Variants in PLN observed in about 807,000 individuals in gnomAD.
The protein encoded by PLN is cardiac phospholamban.
In PLN, 1 loss-of-function variant was observed where a neutral mutation model predicts 3.9. That is an observed-to-expected ratio of 0.26 (90% CI 0.09 to 1.23). The LOEUF is 1.23. Ranked by LOEUF, PLN falls within the 50% of genes most tolerant of loss-of-function variation. The pLI is 0.48. For synonymous variants in PLN, 21 were observed against 20.5 expected (o/e 1.02, Z -0.07); for missense variants, 59 against 62.7 (o/e 0.94, Z 0.20).
chr6:118,548,891 T>C (rs186844173), intron 1 of PLN, among the ~76,000 whole-genome samples: 4 of 152,148 alleles, frequency 2.6e-5, no homozygotes, highest in Admixed American at 2.6e-4. Flanking sequence ...ATTATCATAA[T>C]TTCATACAGT....
At chr6:118,554,680 T>C (rs1260509211) in intron 1 of PLN, among the ~76,000 whole-genome samples, 1 of 152,178 alleles carries the variant, frequency 6.6e-6, no homozygotes, top group East Asian at 1.9e-4. Flanking sequence ...TAAAGCCCTA[T>C]TAAAAACCAG....
Position 118,559,012 on chromosome 6 carries a change from C to G in PLN, c.91C>G (p.Leu31Val). The G allele has an allele frequency of 6.2e-7, 1 of 1,604,470 alleles. No individual in the cohort carries two copies. Among genetic ancestry groups the G allele is most frequent in the Non-Finnish European group, 8.5e-7 (1 of 1,171,204 alleles). Reference sequence around the variant, plus strand: ...ACAAGCACGTCAAAAGCTACAGAATCTATTTATCAATTTCTGTCTCATCTT... The same window carrying G: ...ACAAGCACGTCAAAAGCTACAGAATGTATTTATCAATTTCTGTCTCATCTT... ...PQQARQKLQN[L>V]FINFCLILIC... Residue 31 changes from leucine to valine, a missense_variant, in exon 2 of 2, where the codon CTA becomes GTA. By Grantham distance (32) the Leu-to-Val change is conservative (BLOSUM62 1). Transcript: ENST00000357525.
intron 1 of PLN, among the ~76,000 whole-genome samples, chr6:118,551,215 C>G (rs1382794985): frequency 1.3e-5 from 2 of 151,696 alleles, no homozygotes; most frequent in African/African-American, 4.8e-5. Flanking sequence ...GCATGTGTTA[C>G]CAAATAAACA....
intron 1 of PLN, among the ~76,000 whole-genome samples, chr6:118,556,030 T>A (rs1360958204): frequency 6.6e-6 from 1 of 152,232 alleles, no homozygotes; most frequent in Non-Finnish European, 1.5e-5. Context: ...ATGTACCACA[T>A]TTTCTTTATC....
rs1388537227 is a variant in PLN at position 118,559,653 on chromosome 6, T to C, written c.*573T>C. On this transcript the variant is annotated 3_prime_UTR_variant, in exon 2 of 2. Coordinates refer to ENST00000357525, the MANE Select transcript of PLN (RefSeq NM_002667.5). ...ACATTCTAAAACAGAAATTGTATTT[T>C]TTCTATGCCACATTAACATCTTTTA... is the stretch of plus-strand genomic sequence containing the variant. 1 of 169,160 alleles carries C rather than the reference T, an allele frequency of 5.9e-6. No individual in the cohort carries two copies. The highest frequency in any genetic ancestry group is 1.4e-5 in the Non-Finnish European group (1 of 69,514). The allele number at this position is 169,160 out of a possible 1,614,324, so 10.5% of individuals were successfully genotyped here.
chr6:118,554,485 T>G (rs973931876), intron 1 of PLN, among the ~76,000 whole-genome samples: 2 of 152,208 alleles, frequency 1.3e-5, no homozygotes, highest in Non-Finnish European at 2.9e-5. Context: ...CTAATAGTTT[T>G]AGTCATAAAA....
chr6:118,558,770 T>C (rs962843817), intron 1 of PLN, 55 bp from the exon 2 acceptor site: 1 of 679,922 alleles, frequency 1.5e-6, no homozygotes, highest in Non-Finnish European at 2.7e-6. Context: ...TATTTTTTGT[T>C]CTGAGGATAG....
At chr6:118,556,356 G>T (rs1778876378) in intron 1 of PLN, among the ~76,000 whole-genome samples, 1 of 152,116 alleles carries the variant, frequency 6.6e-6, no homozygotes, top group East Asian at 1.9e-4. Context: ...TGAGTGTTTG[G>T]AACTCCTTGC....
At chr6:118,558,503 T>C (rs549766946) in intron 1 of PLN, among the ~76,000 whole-genome samples, 36 of 152,086 alleles carry the variant, frequency 2.4e-4, no homozygotes, top group South Asian at 2.1e-3. Flanking sequence ...CCAATACTTG[T>C]AGTAAATTTG....
In PLN at chr6:118,558,626, T is replaced by TACACACAC. The variant is rs371775061; in HGVS notation, c.-97-171_-97-164dup. 0.048 allele frequency among the ~76,000 whole-genome samples: 5,327 copies of TACACACAC among 111,244 alleles called. 127 individuals carry two copies. Among genetic ancestry groups the TACACACAC allele is most frequent in the South Asian group, 0.081 (210 of 2,606 alleles). The allele number at this position is 111,244 out of a possible 152,430, so 73.0% of individuals were successfully genotyped here. The stretch of plus-strand genomic sequence containing the variant: ...ACAGACACATAGAAACACGTGCACA[T>TACACACAC]ACACACACACACACACACACACACA... On this transcript the variant is annotated intron_variant, in intron 1 of 1. Transcript: ENST00000357525.
chr6:118,560,274 TAAC>T lies in PLN; in HGVS notation c.*1196_*1198del, dbSNP rs1779147092. 6.0e-6 allele frequency: 1 copy of T among 167,054 alleles called. No homozygotes were observed. The highest frequency in any genetic ancestry group is 6.5e-5 in the Admixed American group (1 of 15,274). 10.3% of individuals were successfully genotyped at this position (167,054 alleles called of 1,614,324 possible). On this transcript the variant is annotated 3_prime_UTR_variant, in exon 2 of 2. Coordinates refer to ENST00000357525, the MANE Select transcript of PLN (RefSeq NM_002667.5). Reference sequence around the variant, plus strand: ...TACTATTGACCATAAACCTTACTGATAACATAAACAGTAAATTAACACATATTT... The same window carrying T: ...TACTATTGACCATAAACCTTACTGATATAAACAGTAAATTAACACATATTT...
At chr6:118,548,620 C>A (rs1296668268) in intron 1 of PLN, among the ~76,000 whole-genome samples, 1 of 151,940 alleles carries the variant, frequency 6.6e-6, no homozygotes, top group Non-Finnish European at 1.5e-5. Context: ...CATCTTTGAT[C>A]CTGGTTACTG....
chr6:118,549,462 G>T (rs1020875321), intron 1 of PLN, among the ~76,000 whole-genome samples: 3 of 151,360 alleles, frequency 2.0e-5, no homozygotes, highest in Non-Finnish European at 4.4e-5. Context: ...TATTTATTTT[G>T]ATTTTCATAT....
At chr6:118,558,468 C>T (rs1281014817) in intron 1 of PLN, among the ~76,000 whole-genome samples, 1 of 151,866 alleles carries the variant, frequency 6.6e-6, no homozygotes, top group Non-Finnish European at 1.5e-5. Context: ...TTTCCAGGAA[C>T]TTATGGAAGA....
chr6:118,558,917 G>A lies in PLN; in HGVS notation c.-5G>A, dbSNP rs1779063871. ...AAACTTCAGACTTCCTGTCCTGCTG[G>A]TATCATGGAGAAAGTCCAATACCTC... On this transcript the variant is annotated 5_prime_UTR_variant, in exon 2 of 2. Coordinates refer to ENST00000357525, the MANE Select transcript of PLN (RefSeq NM_002667.5). 4 of 1,612,836 alleles carry A rather than the reference G, an allele frequency of 2.5e-6. No homozygotes were observed. The highest frequency in any genetic ancestry group is 1.3e-5 in the African/African-American group (1 of 74,852).
chr6:118,549,020 C>T (rs1432602011), intron 1 of PLN, among the ~76,000 whole-genome samples: 1 of 151,862 alleles, frequency 6.6e-6, no homozygotes, highest in Admixed American at 6.6e-5. Flanking sequence ...AAATTCCATG[C>T]TATTAATAAA....
intron 1 of PLN, among the ~76,000 whole-genome samples, chr6:118,551,016 T>C (rs1357064502): frequency 1.3e-5 from 2 of 151,806 alleles, no homozygotes; most frequent in East Asian, 1.9e-4. Context: ...CCCCAATCAA[T>C]CAAAGTTTCC....
chr6:118,549,433 C>T (rs1583025280), intron 1 of PLN, among the ~76,000 whole-genome samples: 1 of 151,824 alleles, frequency 6.6e-6, no homozygotes, highest in East Asian at 1.9e-4. Flanking sequence ...TCAGGGCATA[C>T]AGAAAATTAC....
chr6:118,555,541 C>T (rs1397847125), intron 1 of PLN, among the ~76,000 whole-genome samples: 2 of 151,582 alleles, frequency 1.3e-5, no homozygotes, highest in Non-Finnish European at 2.9e-5. Context: ...ACATAAGCAA[C>T]TTAAAGGATG....
Sources: allele counts gnomAD v4.1 joint callset (sites outside exome capture counted in the v4.1 genomes callset), GRCh38; gene constraint gnomAD v4.1.1; transcripts MANE v1.5; gene names NCBI Gene and HGNC (gene_info 2026-07-23, HGNC 2026-07-21).